Variants in SEMA5A observed in about 807,000 individuals in gnomAD.
The protein encoded by SEMA5A is semaphorin-5A.
Under a neutral mutation model 135.5 loss-of-function variants are expected in SEMA5A, and 55 were observed. The observed-to-expected ratio is 0.41, with a 90% CI of 0.33 to 0.51. The LOEUF (loss-of-function observed/expected upper bound fraction) is 0.51, where lower values mean the gene tolerates loss of function less well. SEMA5A is among the 20% of genes least tolerant of loss of function. The pLI is 0.37. For missense variants in SEMA5A, 1,290 were observed against 1,419.9 expected (o/e 0.91, Z 1.47); for synonymous variants, 580 against 546.5 (o/e 1.06, Z -0.85).
chr5:9,356,289 T>C (rs902773973), intron 3 of SEMA5A, among the ~76,000 whole-genome samples: 1 of 152,148 alleles, frequency 6.6e-6, no homozygotes, highest in Admixed American at 6.5e-5. Flanking sequence ...ACGTTCCGTA[T>C]ATTAGAAGAA....
At chr5:9,400,991 G>T (rs1292987638) in intron 2 of SEMA5A, among the ~76,000 whole-genome samples, 1 of 152,024 alleles carries the variant, frequency 6.6e-6, no homozygotes, top group Non-Finnish European at 1.5e-5. Context: ...TCTGACCTCA[G>T]GAACTCACTC....
intron 3 of SEMA5A, among the ~76,000 whole-genome samples, chr5:9,373,740 G>C (rs1755238744): frequency 6.6e-6 from 1 of 152,114 alleles, no homozygotes; most frequent in African/African-American, 2.4e-5. Context: ...CTGAAGAAAG[G>C]CCTCCAAATC....
At chr5:9,370,499 GA>G (rs1364890961) in intron 3 of SEMA5A, among the ~76,000 whole-genome samples, 1 of 152,164 alleles carries the variant, frequency 6.6e-6, no homozygotes, top group Non-Finnish European at 1.5e-5. Context: ...GAACATGTGT[GA>G]TTAGACTTGC....
intron 2 of SEMA5A, among the ~76,000 whole-genome samples, chr5:9,394,936 G>C (rs174860): frequency 0.42 from 64,262 of 151,794 alleles, 14,217 homozygotes; most frequent in African/African-American, 0.54. Flanking sequence ...AAATAGAGAA[G>C]AAAAACTCCA....
At chr5:9,047,220 C>T (rs760271767) in intron 21 of SEMA5A, among the ~76,000 whole-genome samples, 53 of 152,226 alleles carry the variant, frequency 3.5e-4, no homozygotes, top group Non-Finnish European at 5.6e-4. Flanking sequence ...CCTGCTGCAC[C>T]GGTAACTCAT....
chr5:9,288,265 T>C (rs1169758720), intron 5 of SEMA5A, among the ~76,000 whole-genome samples: 1 of 152,088 alleles, frequency 6.6e-6, no homozygotes, highest in Non-Finnish European at 1.5e-5. Flanking sequence ...CAGTGGCTAC[T>C]AAGGGGCCCA....
chr5:9,347,629 C>A (rs1753934639), intron 3 of SEMA5A, among the ~76,000 whole-genome samples: 1 of 151,966 alleles, frequency 6.6e-6, no homozygotes, highest in African/African-American at 2.4e-5. Context: ...TACTAACCAC[C>A]AACCTGTGAT....
intron 16 of SEMA5A, among the ~76,000 whole-genome samples, chr5:9,075,556 C>CAAAAA (rs11377429): frequency 6.8e-6 from 1 of 146,196 alleles, no homozygotes. Context: ...AAAAAGCCAG[C>CAAAAA]AAAAAAAAAA....
chr5:9,153,851 G>C (rs562713228), intron 12 of SEMA5A, among the ~76,000 whole-genome samples: 2 of 151,584 alleles, frequency 1.3e-5, no homozygotes, highest in East Asian at 3.9e-4. Context: ...TTCAAGACCA[G>C]CCTGGCCAAC....
At chr5:9,184,209 T>C (rs574032923) in intron 11 of SEMA5A, among the ~76,000 whole-genome samples, 19 of 152,262 alleles carry the variant, frequency 1.2e-4, no homozygotes, top group Non-Finnish European at 2.5e-4. Context: ...CACAGATTTA[T>C]ACAGCTGCAG....
At chr5:9,366,898 G>T (rs1468312606) in intron 3 of SEMA5A, among the ~76,000 whole-genome samples, 1 of 152,160 alleles carries the variant, frequency 6.6e-6, no homozygotes, top group Non-Finnish European at 1.5e-5. Context: ...GAACACAATA[G>T]ATTTTCTATA....
intron 1 of SEMA5A, among the ~76,000 whole-genome samples, chr5:9,529,006 C>T (rs1737294579): frequency 6.6e-6 from 1 of 152,178 alleles, no homozygotes. Flanking sequence ...ATTTGTAGGA[C>T]TTTGTACTTA....
At chr5:9,491,767 A>G (rs112476775) in intron 1 of SEMA5A, among the ~76,000 whole-genome samples, 3 of 152,338 alleles carry the variant, frequency 2.0e-5, no homozygotes, top group African/African-American at 7.2e-5. Flanking sequence ...CTAACATTTT[A>G]CCCATTCAAA....
At chr5:9,408,962 C>T (rs931866567) in intron 2 of SEMA5A, among the ~76,000 whole-genome samples, 2 of 152,112 alleles carry the variant, frequency 1.3e-5, no homozygotes, top group African/African-American at 2.4e-5. Context: ...AATTTGGGCC[C>T]ATTTTAAACA....
At chr5:9,267,031 T>A (rs1749715282) in intron 5 of SEMA5A, among the ~76,000 whole-genome samples, 1 of 152,178 alleles carries the variant, frequency 6.6e-6, no homozygotes, top group Non-Finnish European at 1.5e-5. Context: ...GAAGACGTGA[T>A]ATACCTTACA....
chr5:9,326,068 G>A (rs1752859397), intron 4 of SEMA5A, among the ~76,000 whole-genome samples: 1 of 152,134 alleles, frequency 6.6e-6, no homozygotes, highest in Admixed American at 6.5e-5. Flanking sequence ...GAGCCAGTTG[G>A]GGAAGGCTGA....
At chr5:9,511,168 C>T (rs892932885) in intron 1 of SEMA5A, among the ~76,000 whole-genome samples, 1 of 152,104 alleles carries the variant, frequency 6.6e-6, no homozygotes, top group Non-Finnish European at 1.5e-5. Flanking sequence ...TTCTTTAACT[C>T]TTGGAGTGAT....
chr5:9,521,315 T>C (rs1968371), intron 1 of SEMA5A, among the ~76,000 whole-genome samples: 121,095 of 151,904 alleles, frequency 0.8, 48,365 homozygotes, highest in Middle Eastern at 0.89. Context: ...GAGGCTGAGG[T>C]AGGAGAATCA....
chr5:9,179,180 A>G (rs1744369920), intron 11 of SEMA5A, among the ~76,000 whole-genome samples: 1 of 152,256 alleles, frequency 6.6e-6, no homozygotes, highest in African/African-American at 2.4e-5. Flanking sequence ...ACTGGGCTTC[A>G]TCTCCTAGCC....
Sources: allele counts gnomAD v4.1 joint callset (sites outside exome capture counted in the v4.1 genomes callset), GRCh38; gene constraint gnomAD v4.1.1; transcripts MANE v1.5; gene names NCBI Gene and HGNC (gene_info 2026-07-23, HGNC 2026-07-21).